Variants in KDM1B observed in about 807,000 individuals in gnomAD.
KDM1B encodes the protein lysine-specific histone demethylase 2.
KDM1B carries 63 observed loss-of-function variants against 107.4 expected under a neutral mutation model. The ratio of observed to expected loss-of-function variants is 0.59; its 90% CI spans 0.48 to 0.72. The LOEUF is 0.72. Ranked by LOEUF, KDM1B falls within the 30% of genes least tolerant of loss-of-function variation. The probability of loss-of-function intolerance (pLI) is 0.00; values close to 1 mark genes in which losing one functional copy is unlikely to be tolerated. For missense variants in KDM1B, 749 were observed against 1,020.8 expected, an observed-to-expected ratio of 0.73 and a Z score of 3.63; for synonymous variants, 363 against 363.9, an observed-to-expected ratio of 1.00 and a Z score of 0.03.
rs1789824408 is a variant in KDM1B at position 18,222,384 on chromosome 6, A to G, written c.*392A>G. The G allele has an allele frequency of 3.2e-6, 1 of 316,030 alleles. No homozygotes were observed. Among genetic ancestry groups the G allele is most frequent in the Middle Eastern group, 1.1e-3 (1 of 900 alleles). The allele number at this position is 316,030 out of a possible 1,614,324, so 19.6% of individuals were successfully genotyped here. On this transcript the variant is annotated 3_prime_UTR_variant, in exon 22 of 22. Coordinates refer to ENST00000650836, the MANE Select transcript of KDM1B (RefSeq NM_001364614.2). ...TCAATCAAGCAGGAATCATTTAAAAACCAGATAAAGCCATGTTTTTCTTCT... is the reference window on the plus strand; with the variant it reads ...TCAATCAAGCAGGAATCATTTAAAAGCCAGATAAAGCCATGTTTTTCTTCT...
intron 4 of KDM1B, among the ~76,000 whole-genome samples, chr6:18,161,783 T>G (rs935507654): frequency 6.6e-6 from 1 of 152,096 alleles, no homozygotes; most frequent in African/African-American, 2.4e-5. Context: ...CTCATGAGCT[T>G]TCTGTAGACA....
intron 2 of KDM1B, among the ~76,000 whole-genome samples, chr6:18,158,602 T>C (rs1051523466): frequency 6.6e-6 from 1 of 152,240 alleles, no homozygotes. Context: ...GTATGTCCTA[T>C]TTATTTTTCA....
At chr6:18,171,746 C>T in intron 7 of KDM1B, among the ~76,000 whole-genome samples, 1 of 152,186 alleles carries the variant, frequency 6.6e-6, no homozygotes, top group East Asian at 1.9e-4. Context: ...GTAGCTTCCA[C>T]TCCAGCCACC....
intron 7 of KDM1B, among the ~76,000 whole-genome samples, chr6:18,178,071 A>G (rs374773305): frequency 1.3e-4 from 20 of 152,120 alleles, no homozygotes; most frequent in African/African-American, 4.6e-4. Flanking sequence ...ATTGTAGATA[A>G]AATTGATTGA....
At chr6:18,161,601 C>G (rs1452028830) in intron 4 of KDM1B, 147 bp downstream of exon 4, 38 of 830,388 alleles carry the variant, frequency 4.6e-5, no homozygotes, top group Non-Finnish European at 6.6e-5. Flanking sequence ...CCCAGACATT[C>G]TGTACACACC....
At chr6:18,216,691 C>A (rs1204272346) in intron 20 of KDM1B, among the ~76,000 whole-genome samples, 1 of 152,138 alleles carries the variant, frequency 6.6e-6, no homozygotes, top group Admixed American at 6.5e-5. Context: ...TGTCCAGTAC[C>A]TCCACACTGT....
chr6:18,217,747 C>T lies in KDM1B; in HGVS notation c.2247C>T (p.Pro749=). ...ELFKEQEVPD[P]TKYFVTRWST... is the part of the protein sequence containing the mutation. ...ATTGGACATAGGAGGTCCCAGATCC[C>T]ACAAAGTATTTTGTCACTCGGTGGA... Residue 749 remains proline (P), a synonymous_variant, in exon 21 of 22, where the codon CCC becomes CCT. Coordinates refer to ENST00000650836, the MANE Select transcript of KDM1B (RefSeq NM_001364614.2). The T allele has an allele frequency of 3.7e-6, 6 of 1,612,016 alleles. No homozygotes were observed. The highest frequency in any genetic ancestry group is 5.1e-6 in the Non-Finnish European group (6 of 1,179,432).
At chr6:18,219,482 T>C (rs547528693) in intron 21 of KDM1B, among the ~76,000 whole-genome samples, 108 of 152,336 alleles carry the variant, frequency 7.1e-4, no homozygotes, top group Admixed American at 2.2e-3. Flanking sequence ...CCAACTCTAA[T>C]TGACTTTGAA....
chr6:18,218,894 T>TAA, intron 21 of KDM1B, among the ~76,000 whole-genome samples: 1 of 151,944 alleles, frequency 6.6e-6, no homozygotes, highest in Non-Finnish European at 1.5e-5. Context: ...ATTTAATTAT[T>TAA]TTATTTTAAA....
At chr6:18,181,656 G>A (rs1384279987) in intron 7 of KDM1B, among the ~76,000 whole-genome samples, 1 of 152,066 alleles carries the variant, frequency 6.6e-6, no homozygotes, top group Non-Finnish European at 1.5e-5. Context: ...TGAAGTGGGA[G>A]GATCTCTTGA....
At chr6:18,216,831 T>C (rs932525581) in intron 20 of KDM1B, among the ~76,000 whole-genome samples, 5 of 152,232 alleles carry the variant, frequency 3.3e-5, no homozygotes, top group African/African-American at 1.2e-4. Context: ...GTACCTAATG[T>C]ATAAATGAAA....
chr6:18,221,133 C>G (rs1390379997), intron 21 of KDM1B, among the ~76,000 whole-genome samples: 1 of 152,134 alleles, frequency 6.6e-6, no homozygotes, highest in Non-Finnish European at 1.5e-5. Context: ...ATCACTCCCC[C>G]ATTCATTGAA....
rs1554144142 is a variant in KDM1B at position 18,184,273 on chromosome 6, C to CTTCTTTTTTTTTTTTTTTTTTTTT, written c.535-1497_535-1496insCTTTTTTTTTTTTTTTTTTTTTTT. Among the ~76,000 whole-genome samples, 50 of 116,636 alleles carry CTTCTTTTTTTTTTTTTTTTTTTTT rather than the reference C, an allele frequency of 4.3e-4. 1 individual carries two copies. Among genetic ancestry groups the CTTCTTTTTTTTTTTTTTTTTTTTT allele is most frequent in the Non-Finnish European group, 6.6e-4 (38 of 57,538 alleles). 76.5% of individuals were successfully genotyped at this position (116,636 alleles called of 152,430 possible). On this transcript the variant is annotated intron_variant, in intron 7 of 21. Transcript: ENST00000650836. ...TCCTACACTATGATTGTTCTAGCTT[C>CTTCTTTTTTTTTTTTTTTTTTTTT]TTTTTTTTTTTTTTTTTTTGAGACG...
intron 6 of KDM1B, among the ~76,000 whole-genome samples, chr6:18,169,100 G>A: frequency 6.6e-6 from 1 of 152,070 alleles, no homozygotes; most frequent in Non-Finnish European, 1.5e-5. Flanking sequence ...TCGAACTCCT[G>A]ATGTCAGGTG....
chr6:18,173,207 T>C (rs984596941), intron 7 of KDM1B, among the ~76,000 whole-genome samples: 1 of 152,224 alleles, frequency 6.6e-6, no homozygotes, highest in Non-Finnish European at 1.5e-5. Context: ...TGTAGTGTTA[T>C]TCTTTTTTAA....
chr6:18,166,474 T>C, intron 6 of KDM1B, 96 bp downstream of exon 6: 1 of 741,334 alleles, frequency 1.3e-6, no homozygotes. Context: ...CCTATTACAT[T>C]TATTGTTCCT....
chr6:18,217,904 A>C lies in KDM1B; in HGVS notation c.2385+19A>C, dbSNP rs778671242. ...TGGTGAGGTATGGATCTTGATTCCA[A>C]ACCCAATTATTTGTATTTTGATTTC... On this transcript the variant is annotated intron_variant, in intron 21 of 21. Transcript: ENST00000650836. 1 of 1,599,694 alleles carries C rather than the reference A, an allele frequency of 6.3e-7. No homozygotes were observed. Among genetic ancestry groups the C allele is most frequent in the Non-Finnish European group, 8.5e-7 (1 of 1,174,716 alleles).
At chr6:18,177,346 C>T (rs1489724722) in intron 7 of KDM1B, among the ~76,000 whole-genome samples, 1 of 151,500 alleles carries the variant, frequency 6.6e-6, no homozygotes, top group Non-Finnish European at 1.5e-5. Flanking sequence ...TTTGGATTTT[C>T]TCCTTTTCTT....
intron 3 of KDM1B, 51 bp from the exon 4 acceptor site, chr6:18,161,276 G>A: frequency 1.3e-6 from 2 of 1,585,330 alleles, no homozygotes; most frequent in Non-Finnish European, 1.7e-6. Flanking sequence ...TTCATCCTTA[G>A]TCATTTTGCC....
Sources: gnomAD v4.1 joint callset for allele counts (sites outside exome capture counted in the v4.1 genomes callset) on GRCh38, gnomAD v4.1.1 for gene constraint, MANE v1.5 for transcripts, NCBI Gene and HGNC (gene_info 2026-07-23, HGNC 2026-07-21) for gene names.